The following ANTXR2 variants were observed in gnomAD, a reference collection of about 807,000 sequenced individuals.
The protein encoded by ANTXR2 is ANTXR cell adhesion molecule 2, also known as anthrax toxin receptor 2.
ANTXR2 carries 44 observed loss-of-function variants against 73.7 expected under a neutral mutation model. The observed-to-expected ratio is 0.60, with a 90% CI of 0.47 to 0.77. The LOEUF (loss-of-function observed/expected upper bound fraction) is 0.77, where lower values mean the gene tolerates loss of function less well. ANTXR2 is among the 30% of genes least tolerant of loss of function. The pLI, the probability that ANTXR2 is intolerant of heterozygous loss-of-function variation, is 0.00. For synonymous variants in ANTXR2, 217 were observed against 205.9 expected, an observed-to-expected ratio of 1.05 and a Z score of -0.46; for missense variants, 604 against 592.5, an observed-to-expected ratio of 1.02 and a Z score of -0.20.
intron 8 of ANTXR2, among the ~76,000 whole-genome samples, chr4:80,035,207 T>C (rs1367875414): frequency 6.6e-6 from 1 of 152,182 alleles, no homozygotes; most frequent in Non-Finnish European, 1.5e-5. Flanking sequence ...CCTTCACTGT[T>C]AGGGAAGATA....
intron 16 of ANTXR2, among the ~76,000 whole-genome samples, chr4:79,937,998 G>C (rs1394411163): frequency 1.0e-5 from 1 of 97,832 alleles, no homozygotes. Flanking sequence ...ACTCCCACCC[G>C]AATATTGCGC....
At chr4:80,068,497 G>A (rs1204317791) in intron 3 of ANTXR2, among the ~76,000 whole-genome samples, 1 of 152,116 alleles carries the variant, frequency 6.6e-6, no homozygotes, top group Non-Finnish European at 1.5e-5. Context: ...GGTGGGGTGT[G>A]GTGGCTCACA....
intron 7 of ANTXR2, among the ~76,000 whole-genome samples, chr4:80,050,060 T>C (rs773723461): frequency 6.6e-6 from 1 of 151,682 alleles, no homozygotes; most frequent in Non-Finnish European, 1.5e-5. Flanking sequence ...CCAAGAATAA[T>C]CCCTAAGGAA....
At chr4:79,985,349 CAA>C (rs369006459) in intron 12 of ANTXR2, among the ~76,000 whole-genome samples, 1 of 116,662 alleles carries the variant, frequency 8.6e-6, no homozygotes, top group Non-Finnish European at 1.8e-5. Flanking sequence ...GACTCTGTCT[CAA>C]AAAAAAAAGA....
intron 6 of ANTXR2, among the ~76,000 whole-genome samples, chr4:80,054,630 G>A (rs999992551): frequency 6.6e-6 from 1 of 151,520 alleles, no homozygotes; most frequent in Non-Finnish European, 1.5e-5. Context: ...TATCAACAGC[G>A]TGACTCAGGA....
At position 80,056,030 on chromosome 4, in the gene ANTXR2, A is replaced by G; in HGVS notation, c.297-17T>C. The G allele has an allele frequency of 1.3e-6, 2 of 1,503,250 alleles. No homozygotes were observed. The highest frequency in any genetic ancestry group is 1.8e-6 in the Non-Finnish European group (2 of 1,121,700). 93.1% of individuals were successfully genotyped at this position (1,503,250 alleles called of 1,614,324 possible). A position where few individuals can be genotyped will look rare whatever the true frequency, so the allele number is the denominator to read the frequency against. ...ATTTTGCCTCTGAAAATAATATTAA[A>G]CAAAAGAAAAAATGAGCAAAGAGCA... On this transcript the variant is annotated splice_polypyrimidine_tract_variant and intron_variant, in intron 3 of 16. Transcript: ENST00000403729.
At chr4:80,059,353 C>T (rs529320546) in intron 3 of ANTXR2, among the ~76,000 whole-genome samples, 7 of 151,678 alleles carry the variant, frequency 4.6e-5, no homozygotes, top group African/African-American at 1.7e-4. Flanking sequence ...TCCTCGCTTT[C>T]ATTTAGAGGC....
intron 3 of ANTXR2, among the ~76,000 whole-genome samples, chr4:80,061,284 C>CTGTG (rs60730236): frequency 0.038 from 5,721 of 148,774 alleles, 127 homozygotes; most frequent in African/African-American, 0.049. Context: ...GTGTGTGCCT[C>CTGTG]TGTGTGTGTG....
intron 16 of ANTXR2, among the ~76,000 whole-genome samples, chr4:79,966,402 G>T (rs10033596): frequency 0.36 from 54,667 of 152,040 alleles, 12,113 homozygotes; most frequent in Non-Finnish European, 0.47. Context: ...GTAGAAGGTA[G>T]TGGTGAGCTA....
chr4:79,982,103 C>T (rs1729916813), intron 14 of ANTXR2, among the ~76,000 whole-genome samples: 1 of 152,028 alleles, frequency 6.6e-6, no homozygotes, highest in Non-Finnish European at 1.5e-5. Flanking sequence ...ATTGAACTAA[C>T]AAAAATCTGA....
intron 14 of ANTXR2, among the ~76,000 whole-genome samples, chr4:79,980,394 C>G (rs1729836395): frequency 6.6e-6 from 1 of 151,956 alleles, no homozygotes; most frequent in Non-Finnish European, 1.5e-5. Context: ...TTAGTTTGAC[C>G]ACATTGAGAC....
At chr4:80,030,892 T>C (rs1732657875) in intron 10 of ANTXR2, among the ~76,000 whole-genome samples, 1 of 152,074 alleles carries the variant, frequency 6.6e-6, no homozygotes, top group Non-Finnish European at 1.5e-5. Context: ...CATGCTCTAC[T>C]GTTGGGCTAG....
chr4:79,924,438 C>T (rs1727704822), intron 16 of ANTXR2, among the ~76,000 whole-genome samples: 1 of 152,066 alleles, frequency 6.6e-6, no homozygotes, highest in African/African-American at 2.4e-5. Flanking sequence ...CTGCAGTGAG[C>T]TATGATCACA....
intron 10 of ANTXR2, among the ~76,000 whole-genome samples, chr4:80,030,526 A>T (rs1486336255): frequency 6.6e-6 from 1 of 152,046 alleles, no homozygotes; most frequent in Non-Finnish European, 1.5e-5. Context: ...AATAACATAG[A>T]TTATTACATG....
intron 12 of ANTXR2, among the ~76,000 whole-genome samples, chr4:80,007,079 C>T (rs1188963063): frequency 1.3e-5 from 2 of 151,910 alleles, no homozygotes; most frequent in African/African-American, 4.8e-5. Context: ...CTTGTCTCTA[C>T]TGTTATCTGA....
At position 80,055,383 on chromosome 4, in the gene ANTXR2, C is replaced by T. The variant is rs779622214; in HGVS notation, c.463G>A (p.Val155Met). The T allele has an allele frequency of 6.2e-7, 1 of 1,610,910 alleles. No individual in the cohort carries two copies. Among genetic ancestry groups the T allele is most frequent in the Non-Finnish European group, 8.5e-7 (1 of 1,178,196 alleles). Residue 155 changes from valine to methionine, a missense_variant, in exon 5 of 17, where the codon GTG becomes ATG. Physicochemically the swap from Val to Met is conservative, Grantham distance 21 (BLOSUM62 1). Coordinates refer to ENST00000403729, the MANE Select transcript of ANTXR2 (RefSeq NM_058172.6). The part of the protein sequence containing the change: ...ALTDGKLDGL[V>M]PSYAEKEAKI... Reference sequence around the variant, plus strand: ...ACCTCTTTCTCTGCATATGATGGCACCAGACCGTCCAACTTGCCATCTGTC... The same window carrying T: ...ACCTCTTTCTCTGCATATGATGGCATCAGACCGTCCAACTTGCCATCTGTC...
chr4:80,000,588 AT>A, intron 12 of ANTXR2, among the ~76,000 whole-genome samples: 1 of 152,202 alleles, frequency 6.6e-6, no homozygotes, highest in Non-Finnish European at 1.5e-5. Context: ...CAAATAATAC[AT>A]AAATCATTAT....
intron 16 of ANTXR2, among the ~76,000 whole-genome samples, chr4:79,973,465 GTGCGATCTCAGCTCACTAC>G (rs531162036): frequency 0.012 from 1,852 of 151,950 alleles, 19 homozygotes; most frequent in African/African-American, 0.029. Context: ...GAGGGCAGTG[GTGCGATCTCAGCTCACTAC>G]TGCGATCTCA....
chr4:79,931,259 A>G lies in ANTXR2; in HGVS notation c.1429-23792T>C, dbSNP rs79332572. Among the ~76,000 whole-genome samples, 1,227 of 152,286 alleles carry G rather than the reference A, an allele frequency of 8.1e-3. 17 individuals are homozygous for G. The highest frequency in any genetic ancestry group is 0.029 in the African/African-American group (1,188 of 41,558). On this transcript the variant is annotated intron_variant, in intron 16 of 16. Transcript: ENST00000403729. ...AATGTTTGGTTTTAGCTTCTTTTGCATATCATTGCCTAAAAATAAATAGGT... is the reference window on the plus strand; with the variant it reads ...AATGTTTGGTTTTAGCTTCTTTTGCGTATCATTGCCTAAAAATAAATAGGT...
Sources: gnomAD v4.1 joint callset for allele counts (sites outside exome capture counted in the v4.1 genomes callset) on GRCh38, gnomAD v4.1.1 for gene constraint, MANE v1.5 for transcripts, NCBI Gene and HGNC (gene_info 2026-07-23, HGNC 2026-07-21) for gene names.